The following PRKCA variants were observed in gnomAD, a reference collection of about 807,000 sequenced individuals.
PRKCA encodes the protein protein kinase C alpha type.
A neutral mutation model predicts 87.0 loss-of-function variants in PRKCA; 27 were observed. The ratio of observed to expected loss-of-function variants is 0.31; its 90% CI spans 0.23 to 0.43. PRKCA has a LOEUF of 0.43. PRKCA is among the 20% of genes least tolerant of loss of function. The pLI, the probability that PRKCA is intolerant of heterozygous loss-of-function variation, is 1.00. For missense variants in PRKCA, 518 were observed against 852.3 expected, an observed-to-expected ratio of 0.61 and a Z score of 4.88; for synonymous variants, 329 against 311.1, an observed-to-expected ratio of 1.06 and a Z score of -0.61.
chr17:66,642,664 G>A (rs1192678499), intron 4 of PRKCA, among the ~76,000 whole-genome samples: 1 of 152,086 alleles, frequency 6.6e-6, no homozygotes, highest in African/African-American at 2.4e-5. Context: ...AAACATAAAC[G>A]AGCATCATAG....
chr17:66,415,923 A>C (rs1310778423), intron 2 of PRKCA: 1 of 152,200 alleles, frequency 6.6e-6, no homozygotes, highest in Admixed American at 6.5e-5. Flanking sequence ...AGGCTTAAAG[A>C]AACCTGGGCA....
At chr17:66,626,136 A>G (rs1215408510) in intron 3 of PRKCA, among the ~76,000 whole-genome samples, 1 of 151,894 alleles carries the variant, frequency 6.6e-6, no homozygotes, top group South Asian at 2.1e-4. Flanking sequence ...TGGTTGCAAG[A>G]GCCCAAAGGC....
At chr17:66,781,880 TATATATA>T (rs1195656740) in intron 14 of PRKCA, among the ~76,000 whole-genome samples, 1 of 134,646 alleles carries the variant, frequency 7.4e-6, no homozygotes, top group African/African-American at 2.8e-5. Context: ...TATATATATA[TATATATA>T]GTGTGTGTGT....
intron 2 of PRKCA, among the ~76,000 whole-genome samples, chr17:66,409,033 CAAAAAAAAAA>C (rs10661202): frequency 2.6e-5 from 2 of 76,994 alleles, no homozygotes; most frequent in South Asian, 6.3e-4. Flanking sequence ...TCCCCAGTCT[CAAAAAAAAAA>C]AAAAAAAAAA....
chr17:66,555,780 A>T (rs945204211), intron 3 of PRKCA, among the ~76,000 whole-genome samples: 9 of 152,096 alleles, frequency 5.9e-5, no homozygotes, highest in African/African-American at 2.2e-4. Context: ...CAGTTGACAA[A>T]CTGTTAGTTT....
intron 2 of PRKCA, among the ~76,000 whole-genome samples, chr17:66,399,037 A>G (rs1024741993): frequency 6.6e-6 from 1 of 151,688 alleles, no homozygotes; most frequent in Non-Finnish European, 1.5e-5. Context: ...GAAAGCACAG[A>G]GGAATGATGC....
intron 3 of PRKCA, among the ~76,000 whole-genome samples, chr17:66,513,939 A>G (rs995485921): frequency 2.0e-5 from 3 of 152,196 alleles, no homozygotes. Flanking sequence ...TCTTGTTAGA[A>G]CAATACAATT....
intron 5 of PRKCA, chr17:66,677,232 G>A (rs1430961093): frequency 2.6e-5 from 4 of 151,926 alleles, no homozygotes; most frequent in Non-Finnish European, 5.9e-5. Context: ...GGCGCACGCT[G>A]CTACACCCGG....
At chr17:66,434,231 T>C (rs971061) in intron 2 of PRKCA, among the ~76,000 whole-genome samples, 45,801 of 151,080 alleles carry the variant, frequency 0.3, 8,713 homozygotes, top group East Asian at 0.44. Flanking sequence ...CATCCTTTAA[T>C]GGGGGCTGGC....
At chr17:66,483,978 G>GTA (rs1373295755) in intron 2 of PRKCA, among the ~76,000 whole-genome samples, 2 of 152,008 alleles carry the variant, frequency 1.3e-5, no homozygotes, top group East Asian at 3.8e-4. Flanking sequence ...CCCGAGACTA[G>GTA]GTAATTTATT....
intron 5 of PRKCA, among the ~76,000 whole-genome samples, chr17:66,683,128 T>A (rs1205973475): frequency 2.6e-5 from 4 of 152,214 alleles, no homozygotes; most frequent in Non-Finnish European, 5.9e-5. Context: ...AGACAGAAGA[T>A]CTCAGGCAAC....
chr17:66,545,827 T>TTGAC (rs2078227515), intron 3 of PRKCA, among the ~76,000 whole-genome samples: 2 of 152,244 alleles, frequency 1.3e-5, no homozygotes, highest in South Asian at 4.1e-4. Flanking sequence ...ATATGAAGTG[T>TTGAC]GTCATGTGAT....
At chr17:66,453,308 CTTTTTTTCTTTT>C (rs532222269) in intron 2 of PRKCA, among the ~76,000 whole-genome samples, 321 of 151,654 alleles carry the variant, frequency 2.1e-3, no homozygotes, top group Middle Eastern at 6.8e-3. Context: ...TCCCGTGATC[CTTTTTTTCTTTT>C]TTTTTTTCTT....
intron 4 of PRKCA, among the ~76,000 whole-genome samples, chr17:66,643,815 T>TA (rs2143812272): frequency 6.6e-6 from 1 of 152,254 alleles, no homozygotes; most frequent in Non-Finnish European, 1.5e-5. Context: ...CAATCCTAGA[T>TA]AGAGTTCCAC....
At chr17:66,741,791 C>G in intron 12 of PRKCA, 70 bp downstream of exon 12, 1 of 1,497,810 alleles carries the variant, frequency 6.7e-7, no homozygotes, top group East Asian at 2.3e-5. Context: ...GCATGTCATT[C>G]TGGAATGGTG....
chr17:66,795,095 G>T (rs909739482), intron 16 of PRKCA, among the ~76,000 whole-genome samples: 1 of 152,032 alleles, frequency 6.6e-6, no homozygotes. Flanking sequence ...CAGAGTTAAT[G>T]CTTCTTTACA....
At chr17:66,489,394 TA>T (rs1180130239) in intron 2 of PRKCA, among the ~76,000 whole-genome samples, 59 of 123,634 alleles carry the variant, frequency 4.8e-4, no homozygotes, top group Non-Finnish European at 8.0e-4. Flanking sequence ...TATATATATA[TA>T]TTTCCCCCCT....
intron 3 of PRKCA, among the ~76,000 whole-genome samples, chr17:66,605,760 A>G (rs1970187485): frequency 6.6e-6 from 1 of 152,234 alleles, no homozygotes; most frequent in African/African-American, 2.4e-5. Flanking sequence ...AAGGAATGAA[A>G]TACAACACAT....
chr17:66,562,298 A>C (rs1356069837), intron 3 of PRKCA, among the ~76,000 whole-genome samples: 1 of 150,574 alleles, frequency 6.6e-6, no homozygotes, highest in Non-Finnish European at 1.5e-5. Context: ...TATCTGTAGG[A>C]GCTCTCTGCC....
Sources: gnomAD v4.1 joint callset for allele counts (sites outside exome capture counted in the v4.1 genomes callset) on GRCh38, gnomAD v4.1.1 for gene constraint, MANE v1.5 for transcripts, NCBI Gene and HGNC (gene_info 2026-07-23, HGNC 2026-07-21) for gene names.